Variants in KCNMB4 observed in about 807,000 individuals in gnomAD.
KCNMB4 encodes the protein potassium calcium-activated channel subfamily M regulatory beta subunit 4, also known as calcium-activated potassium channel subunit beta-4.
Under a neutral mutation model 20.7 loss-of-function variants are expected in KCNMB4, and 3 were observed. The observed-to-expected ratio is 0.14, with a 90% CI of 0.07 to 0.37. KCNMB4 has a LOEUF of 0.37. Among genes scored for constraint, KCNMB4 ranks in the 10% least tolerant of loss-of-function variants. KCNMB4 has a pLI of 1.00. For synonymous variants in KCNMB4, 110 were observed against 113.4 expected, an observed-to-expected ratio of 0.97 and a Z score of 0.19; for missense variants, 168 against 265.9, an observed-to-expected ratio of 0.63 and a Z score of 2.56.
chr12:70,366,699 C>CG lies in KCNMB4; in HGVS notation c.-30dup. On this transcript the variant is annotated 5_prime_UTR_variant, in exon 1 of 3. Transcript: ENST00000258111. ...GCTCGGCGCCGGGGGCGGGAGGGGG[C>CG]GGGGGGAGCACGCCAGCCGCCGAGA... 7.3e-7 allele frequency: 1 copy of CG among 1,376,110 alleles called. No individual in the cohort carries two copies. Among genetic ancestry groups the CG allele is most frequent in the Non-Finnish European group, 9.4e-7 (1 of 1,060,302 alleles). 85.2% of individuals were successfully genotyped at this position (1,376,110 alleles called of 1,614,324 possible).
chr12:70,379,366 C>G (rs765417302), intron 1 of KCNMB4, among the ~76,000 whole-genome samples: 3 of 152,198 alleles, frequency 2.0e-5, no homozygotes, highest in Non-Finnish European at 4.4e-5. Context: ...ATTATCTAAG[C>G]TAGATCTTCT....
chr12:70,388,376 A>T (rs1868273841), intron 1 of KCNMB4, among the ~76,000 whole-genome samples: 1 of 151,916 alleles, frequency 6.6e-6, no homozygotes, highest in Non-Finnish European at 1.5e-5. Context: ...TGGTAGCTAA[A>T]TTTTTAGTTT....
chr12:70,422,890 C>T (rs776920797), intron 2 of KCNMB4: 3 of 1,126,522 alleles, frequency 2.7e-6, no homozygotes, highest in Non-Finnish European at 3.3e-6. Context: ...TCTGGGAGCA[C>T]AGAGTGGCGA....
rs145207928 is a variant in KCNMB4 at position 70,378,984 on chromosome 12, C to G, written c.336+11914C>G. On this transcript the variant is annotated intron_variant, in intron 1 of 2. Coordinates refer to ENST00000258111, the MANE Select transcript of KCNMB4 (RefSeq NM_014505.6). ...CAGAGCTCTTGGGTGATGAGGTACA[C>G]TGTCAGTTAGCAGTAGTATTTTGAA... is the stretch of plus-strand genomic sequence containing the variant. 1.1e-3 allele frequency among the ~76,000 whole-genome samples: 169 copies of G among 152,334 alleles called. 1 individual carries two copies. The highest frequency in any genetic ancestry group is 3.8e-3 in the African/African-American group (157 of 41,570).
chr12:70,386,793 A>G (rs2136122770), intron 1 of KCNMB4, among the ~76,000 whole-genome samples: 1 of 152,298 alleles, frequency 6.6e-6, no homozygotes, highest in African/African-American at 2.4e-5. Context: ...AAACTTCTAT[A>G]ATGTTTTTCA....
At chr12:70,402,874 A>C (rs1359815966) in intron 2 of KCNMB4, among the ~76,000 whole-genome samples, 1 of 152,142 alleles carries the variant, frequency 6.6e-6, no homozygotes, top group East Asian at 1.9e-4. Context: ...CCAAAGAGAG[A>C]AAGAGCCTGT....
intron 1 of KCNMB4, among the ~76,000 whole-genome samples, chr12:70,367,826 T>C (rs1405497325): frequency 6.6e-6 from 1 of 150,630 alleles, no homozygotes; most frequent in Admixed American, 6.6e-5. Context: ...ATGACTTCTC[T>C]GACAACTTCT....
At chr12:70,400,444 A>G (rs946604970) in intron 2 of KCNMB4, 108 bp downstream of exon 2, 2 of 1,163,304 alleles carry the variant, frequency 1.7e-6, no homozygotes, top group Non-Finnish European at 2.4e-6. Flanking sequence ...GATAGCCTCA[A>G]CTCTTCTTTG....
intron 2 of KCNMB4, among the ~76,000 whole-genome samples, chr12:70,429,598 C>T (rs1321404101): frequency 6.1e-5 from 9 of 146,568 alleles, no homozygotes; most frequent in African/African-American, 1.0e-4. Context: ...ACCCAGGAGG[C>T]GGAGCTTGCA....
chr12:70,371,311 G>T (rs954837157), intron 1 of KCNMB4, among the ~76,000 whole-genome samples: 9 of 152,160 alleles, frequency 5.9e-5, no homozygotes, highest in East Asian at 3.9e-4. Context: ...ACTGAATAAG[G>T]CTTCAGGCAT....
intron 2 of KCNMB4, among the ~76,000 whole-genome samples, chr12:70,421,025 C>G (rs1258812377): frequency 1.3e-5 from 2 of 149,630 alleles, no homozygotes; most frequent in Non-Finnish European, 3.0e-5. Context: ...GCACTCCAGC[C>G]TGGGCGACGT....
intron 1 of KCNMB4, among the ~76,000 whole-genome samples, chr12:70,387,857 A>G (rs1565857666): frequency 2.0e-5 from 3 of 152,170 alleles, no homozygotes; most frequent in Admixed American, 2.0e-4. Flanking sequence ...TTTAAAATGT[A>G]CAATTAAGTT....
Position 70,415,224 on chromosome 12 carries a change from A to ATAGC in KCNMB4, c.464+14890_464+14893dup, listed in dbSNP as rs375982995. Among the ~76,000 whole-genome samples the ATAGC allele has an allele frequency of 1.3e-3, 199 of 152,338 alleles. 1 individual carries two copies. The highest frequency in any genetic ancestry group is 4.5e-3 in the African/African-American group (187 of 41,588). The stretch of plus-strand genomic sequence containing the variant: ...AGGTTAAGCAATATGACCAAATCAC[A>ATAGC]TAGCTGGCAAGTGACAGAGCCAGGA... On this transcript the variant is annotated intron_variant, in intron 2 of 2. Transcript: ENST00000258111.
chr12:70,404,445 A>G (rs547574276), intron 2 of KCNMB4, among the ~76,000 whole-genome samples: 17 of 152,234 alleles, frequency 1.1e-4, no homozygotes, highest in Non-Finnish European at 2.2e-4. Context: ...CTAAATCTCT[A>G]AATACTAGCC....
At chr12:70,396,334 T>G (rs971006687) in intron 1 of KCNMB4, among the ~76,000 whole-genome samples, 2 of 152,204 alleles carry the variant, frequency 1.3e-5, no homozygotes, top group Non-Finnish European at 2.9e-5. Flanking sequence ...AGACAGAGTC[T>G]TGCTCTGTCA....
intron 2 of KCNMB4, among the ~76,000 whole-genome samples, chr12:70,403,073 G>T (rs959614238): frequency 6.6e-6 from 1 of 152,204 alleles, no homozygotes; most frequent in Admixed American, 6.5e-5. Flanking sequence ...TGGAGACGGG[G>T]TATACCCCTG....
At chr12:70,408,803 A>G (rs1868687122) in intron 2 of KCNMB4, among the ~76,000 whole-genome samples, 1 of 151,734 alleles carries the variant, frequency 6.6e-6, no homozygotes, top group African/African-American at 2.4e-5. Context: ...TAAGTTCACA[A>G]TTCTCCCTAT....
At chr12:70,394,620 C>T (rs77855516) in intron 1 of KCNMB4, among the ~76,000 whole-genome samples, 17,582 of 152,034 alleles carry the variant, frequency 0.12, 1,306 homozygotes, top group Middle Eastern at 0.22. Flanking sequence ...TGTGTGTGCG[C>T]GCCCATGCAC....
At chr12:70,405,524 C>T (rs1249156294) in intron 2 of KCNMB4, among the ~76,000 whole-genome samples, 1 of 152,106 alleles carries the variant, frequency 6.6e-6, no homozygotes, top group Non-Finnish European at 1.5e-5. Flanking sequence ...GGAACCCTTG[C>T]ATACCGTTGG....
Sources: gnomAD v4.1 joint callset for allele counts (sites outside exome capture counted in the v4.1 genomes callset) on GRCh38, gnomAD v4.1.1 for gene constraint, MANE v1.5 for transcripts, NCBI Gene and HGNC (gene_info 2026-07-23, HGNC 2026-07-21) for gene names.